TCF7: variants seen among roughly 807,000 people sequenced by gnomAD.
The protein encoded by TCF7 is T-cell-factor-7.
A neutral mutation model predicts 46.8 loss-of-function variants in TCF7; 19 were observed. The observed-to-expected ratio is 0.41, with a 90% confidence interval of 0.28 to 0.60. TCF7 has a LOEUF of 0.60. Ranked by LOEUF, TCF7 falls within the 20% of genes least tolerant of loss-of-function variation. The pLI, the probability that TCF7 is intolerant of heterozygous loss-of-function variation, is 0.35. For missense variants in TCF7, 547 were observed against 504.6 expected, an observed-to-expected ratio of 1.08 and a Z score of -0.81; for synonymous variants, 245 against 213.4, an observed-to-expected ratio of 1.15 and a Z score of -1.29.
At chr5:134,114,387 A>AC (rs974546129), upstream of TCF7, among the ~76,000 whole-genome samples, 4 of 151,776 alleles carry the variant, frequency 2.6e-5, no homozygotes, top group East Asian at 1.9e-4. Flanking sequence ...GGCCTAGGGG[A>AC]CCCCCGCCCT....
At chr5:134,108,758 T>C in the TCF7 span, among the ~76,000 whole-genome samples, 1 of 152,058 alleles carries the variant, frequency 6.6e-6, no homozygotes. Context: ...AAAGGTGCCA[T>C]TCTAGGCAAG....
At chr5:134,124,347 T>G (rs1757039386) in intron 3 of TCF7, among the ~76,000 whole-genome samples, 1 of 152,234 alleles carries the variant, frequency 6.6e-6, no homozygotes. Context: ...ACAAGCTGTC[T>G]ACAGCCTGGG....
At chr5:134,128,383 G>A (rs540909585) in intron 3 of TCF7, among the ~76,000 whole-genome samples, 15 of 152,186 alleles carry the variant, frequency 9.9e-5, no homozygotes, top group Non-Finnish European at 2.2e-4. Context: ...GGCTCGGGCA[G>A]CAGCACCCCA....
intron 3 of TCF7, among the ~76,000 whole-genome samples, chr5:134,116,542 G>C (rs540593010): frequency 6.6e-6 from 1 of 152,230 alleles, no homozygotes; most frequent in East Asian, 1.9e-4. Context: ...TGAGTGTACC[G>C]TTGCCAAAGA....
At chr5:134,135,074 C>T (rs1580860647) in intron 3 of TCF7, among the ~76,000 whole-genome samples, 1 of 152,346 alleles carries the variant, frequency 6.6e-6, no homozygotes, top group East Asian at 1.9e-4. Flanking sequence ...CTCCCTCAAC[C>T]TTCTGAGTAG....
At chr5:134,132,418 C>T (rs775796660) in intron 3 of TCF7, among the ~76,000 whole-genome samples, 3 of 152,248 alleles carry the variant, frequency 2.0e-5, no homozygotes, top group Non-Finnish European at 4.4e-5. Context: ...GCTGAGCATC[C>T]TGATCTCTTG....
At chr5:134,115,551 C>A in intron 2 of TCF7, 164 bp downstream of exon 2, 1 of 1,440,944 alleles carries the variant, frequency 6.9e-7, no homozygotes, top group Non-Finnish European at 9.1e-7. Flanking sequence ...CCGGGCGCCG[C>A]CGGGTCGAGT....
intron 3 of TCF7, chr5:134,123,625 G>A: frequency 2.2e-6 from 1 of 452,786 alleles, no homozygotes; most frequent in Non-Finnish European, 4.4e-6. Context: ...GGCAGACAGA[G>A]GCCCAGGGTC....
At chr5:134,140,896 C>G (rs1759646870) in intron 5 of TCF7, 1 of 406,876 alleles carries the variant, frequency 2.5e-6, no homozygotes, top group Non-Finnish European at 4.9e-6. Context: ...CAGGTGAGTC[C>G]CCTACACTGC....
chr5:134,143,546 A>C (rs747774502), intron 8 of TCF7, 46 bp from the exon 9 acceptor site: 1 of 1,613,228 alleles, frequency 6.2e-7, no homozygotes. Context: ...GGGTATCCCA[A>C]TGTCTGCCTC....
At chr5:134,140,720 C>G in intron 5 of TCF7, 1 of 447,020 alleles carries the variant, frequency 2.2e-6, no homozygotes, top group South Asian at 1.6e-5. Flanking sequence ...TCAAGGCCTG[C>G]CTAGCAAGGT....
chr5:134,146,451 C>G lies in TCF7; in HGVS notation c.*148C>G, dbSNP rs1358410503. The G allele has an allele frequency of 1.1e-6, 1 of 912,018 alleles. No individual in the cohort carries two copies. The highest frequency in any genetic ancestry group is 1.8e-6 in the Non-Finnish European group (1 of 551,684). 56.5% of individuals were successfully genotyped at this position (912,018 alleles called of 1,614,324 possible). On this transcript the variant is annotated 3_prime_UTR_variant, in exon 10 of 10. Coordinates refer to ENST00000342854, the MANE Select transcript of TCF7 (RefSeq NM_003202.5). ...CTCAGCCTCCCAACCCCAGGGCCCC[C>G]ACAGGCCCCCCGCAGCACCCTGCAG...
rs199778381 is a variant in TCF7, at chr5:134,142,215, T to C, written c.666T>C (p.Ser222=). 21 of 1,613,802 alleles carry C rather than the reference T, an allele frequency of 1.3e-5. No homozygotes were observed. The highest frequency in any genetic ancestry group is 1.5e-5 in the Non-Finnish European group (18 of 1,179,794). Residue 222 remains serine, a synonymous_variant, in exon 6 of 10, where the codon TCT becomes TCC. Transcript: ENST00000342854. ...WFTHPSLMLG[S]GVPGHPAAIP... The stretch of plus-strand genomic sequence containing the variant: ...CCCACCCATCCTTGATGCTAGGTTC[T>C]GGTGTACCTGGTCACCCAGCAGCCA...
chr5:134,124,753 GAT>G (rs1159490043), intron 3 of TCF7, among the ~76,000 whole-genome samples: 1 of 151,984 alleles, frequency 6.6e-6, no homozygotes, highest in Non-Finnish European at 1.5e-5. Flanking sequence ...GCTTCCAAAT[GAT>G]GAGTGTGCGG....
At chr5:134,143,877 G>A in intron 9 of TCF7, 1 of 543,374 alleles carries the variant, frequency 1.8e-6, no homozygotes, top group Non-Finnish European at 3.3e-6. Context: ...AATTGGAGTA[G>A]ATGGTGCGTT....
intron 4 of TCF7, 163 bp downstream of exon 4, chr5:134,138,327 A>T: frequency 4.8e-6 from 3 of 622,250 alleles, no homozygotes; most frequent in Non-Finnish European, 8.4e-6. Context: ...TGGGGGTATA[A>T]GGGCATCAGA....
At chr5:134,123,089 A>T (rs1258385822) in intron 3 of TCF7, among the ~76,000 whole-genome samples, 1 of 152,256 alleles carries the variant, frequency 6.6e-6, no homozygotes, top group Non-Finnish European at 1.5e-5. Context: ...GGAAAGAGAC[A>T]GTGTGTGAAA....
At chr5:134,142,356 C>G (rs778259996) in intron 6 of TCF7, 52 bp downstream of exon 6, 1 of 1,527,842 alleles carries the variant, frequency 6.5e-7, no homozygotes, top group African/African-American at 1.4e-5. Context: ...GATACACATG[C>G]CTCCCCACCA....
chr5:134,113,627 C>T (rs1755407333), upstream of TCF7, among the ~76,000 whole-genome samples: 1 of 152,282 alleles, frequency 6.6e-6, no homozygotes, highest in Admixed American at 6.5e-5. Context: ...CTGTTGACTG[C>T]ATCGCGATCC....
Sources: allele counts gnomAD v4.1 joint callset (sites outside exome capture counted in the v4.1 genomes callset), GRCh38; gene constraint gnomAD v4.1.1; transcripts MANE v1.5; gene names NCBI Gene and HGNC (gene_info 2026-07-23, HGNC 2026-07-21).